The following RBFOX3 variants were observed in gnomAD, a reference collection of about 807,000 sequenced individuals.
RBFOX3 encodes the protein RNA binding protein fox-1 homolog 3.
A neutral mutation model predicts 48.7 loss-of-function variants in RBFOX3; 17 were observed. The ratio of observed to expected loss-of-function variants is 0.35; its 90% confidence interval spans 0.24 to 0.52. The LOEUF (loss-of-function observed/expected upper bound fraction) is 0.52, where lower values mean the gene tolerates loss of function less well. Among genes scored for constraint, RBFOX3 ranks in the 20% least tolerant of loss-of-function variants. The pLI, the probability that RBFOX3 is intolerant of heterozygous loss-of-function variation, is 0.94. For synonymous variants in RBFOX3, 212 were observed against 209.5 expected, an observed-to-expected ratio of 1.01 and a Z score of -0.10; for missense variants, 382 against 497.5, an observed-to-expected ratio of 0.77 and a Z score of 2.21.
chr17:79,543,601 G>A (rs1237892438), intron 1 of RBFOX3, among the ~76,000 whole-genome samples: 1 of 152,048 alleles, frequency 6.6e-6, no homozygotes, highest in African/African-American at 2.4e-5. Context: ...CCTTGATCAG[G>A]GCCTCCGAGG....
chr17:79,545,294 A>G lies in RBFOX3; in HGVS notation c.-319-62696T>C, dbSNP rs568469089. Among the ~76,000 whole-genome samples the G allele has an allele frequency of 5.2e-4, 79 of 152,262 alleles. No individual in the cohort carries two copies. The South Asian group carries it at 0.016, about 32-fold the overall frequency. On this transcript the variant is annotated intron_variant, in intron 1 of 14. Transcript: ENST00000693108. ...TCGCCCCTGCTAGAGGAGCACGTCT[A>G]CCAGGAAAGAAGGAAGGGGCCAGCC...
At chr17:79,225,705 G>T (rs957221020) in intron 4 of RBFOX3, among the ~76,000 whole-genome samples, 1 of 152,222 alleles carries the variant, frequency 6.6e-6, no homozygotes, top group Non-Finnish European at 1.5e-5. Context: ...GTAGGGGGCT[G>T]CTGGGCAGAG....
At chr17:79,315,337 C>T (rs1311856757) in intron 2 of RBFOX3, among the ~76,000 whole-genome samples, 1 of 152,236 alleles carries the variant, frequency 6.6e-6, no homozygotes, top group Non-Finnish European at 1.5e-5. Flanking sequence ...AGACCCTGGT[C>T]TTCTGAGCAA....
chr17:79,092,257 C>T, intron 14 of RBFOX3: 2 of 985,528 alleles, frequency 2.0e-6, no homozygotes, highest in Non-Finnish European at 2.4e-6. Flanking sequence ...AGGTTGGGGG[C>T]TGCCTGGTCT....
chr17:79,501,843 G>C (rs2082424717), intron 1 of RBFOX3, among the ~76,000 whole-genome samples: 1 of 152,222 alleles, frequency 6.6e-6, no homozygotes, highest in African/African-American at 2.4e-5. Flanking sequence ...CTTATCTCAA[G>C]AGAAAGAGAA....
chr17:79,541,722 G>A (rs903496531), intron 1 of RBFOX3, among the ~76,000 whole-genome samples: 8 of 152,198 alleles, frequency 5.3e-5, no homozygotes, highest in East Asian at 1.9e-4. Context: ...GCAAGAGACC[G>A]CTCACCCCGG....
At chr17:79,567,455 G>A (rs961256545) in intron 1 of RBFOX3, among the ~76,000 whole-genome samples, 22 of 152,212 alleles carry the variant, frequency 1.4e-4, no homozygotes, top group African/African-American at 5.1e-4. Flanking sequence ...GAAGTGCTGG[G>A]ATTACAGGCG....
chr17:79,264,792 G>A (rs1019301071), intron 3 of RBFOX3, among the ~76,000 whole-genome samples: 13 of 152,232 alleles, frequency 8.5e-5, no homozygotes, highest in Non-Finnish European at 1.3e-4. Context: ...GAGGCGGTGT[G>A]CCCCACGAAC....
intron 3 of RBFOX3, among the ~76,000 whole-genome samples, chr17:79,239,247 G>C (rs1197754443): frequency 2.0e-5 from 3 of 152,104 alleles, no homozygotes; most frequent in Non-Finnish European, 2.9e-5. Flanking sequence ...AAGGAGAGAG[G>C]CCCCCCAGGT....
chr17:79,649,762 G>T, the RBFOX3 span, among the ~76,000 whole-genome samples: 1 of 152,146 alleles, frequency 6.6e-6, no homozygotes, highest in Admixed American at 6.5e-5. Flanking sequence ...ATTGGCTCAA[G>T]GTTCTGCAGG....
At position 79,443,353 on chromosome 17, in the gene RBFOX3, C is replaced by T. The variant is rs1009444748; in HGVS notation, c.-175+39101G>A. On this transcript the variant is annotated intron_variant, in intron 2 of 14. Transcript: ENST00000693108. This position sits in a 1 kb window ranked among gnomAD's most constrained non-coding sequence, Gnocchi z 4.4. Reference sequence around the variant, plus strand: ...ACATAAATGCAGTCATGCTTAGACACACACAAATGCACACTCACATACACC... The same window carrying T: ...ACATAAATGCAGTCATGCTTAGACATACACAAATGCACACTCACATACACC... Among the ~76,000 whole-genome samples, 3 of 152,210 alleles carry T rather than the reference C, an allele frequency of 2.0e-5. No homozygotes were observed. The East Asian group carries it at 5.8e-4, about 29-fold the overall frequency.
chr17:79,223,337 G>GCA (rs1419852832), intron 4 of RBFOX3, among the ~76,000 whole-genome samples: 3 of 152,066 alleles, frequency 2.0e-5, no homozygotes, highest in East Asian at 1.9e-4. Context: ...ATGTGTATCT[G>GCA]CACACACACA....
the RBFOX3 span, among the ~76,000 whole-genome samples, chr17:79,653,064 T>C: frequency 6.6e-6 from 1 of 152,260 alleles, no homozygotes; most frequent in South Asian, 2.1e-4. Context: ...GTAAAAATAA[T>C]TTCAAACCCA....
the RBFOX3 span, among the ~76,000 whole-genome samples, chr17:79,656,066 T>C: frequency 6.6e-6 from 1 of 152,172 alleles, no homozygotes; most frequent in South Asian, 2.1e-4. Context: ...TCCCCCGCAC[T>C]CTTGCTTCTG....
chr17:79,154,189 C>A (rs189972165), intron 4 of RBFOX3, among the ~76,000 whole-genome samples: 2 of 140,158 alleles, frequency 1.4e-5, no homozygotes, highest in Admixed American at 1.5e-4. Flanking sequence ...GTTCTTCGAA[C>A]ACGCTAAGCT....
chr17:79,321,913 C>G (rs12942895), intron 2 of RBFOX3, among the ~76,000 whole-genome samples: 31,928 of 152,024 alleles, frequency 0.21, 3,992 homozygotes, highest in East Asian at 0.35. Flanking sequence ...ACCATGTTGG[C>G]CAGACTGGTC....
At chr17:79,628,536 C>T in the RBFOX3 span, among the ~76,000 whole-genome samples, 1 of 152,162 alleles carries the variant, frequency 6.6e-6, no homozygotes, top group East Asian at 1.9e-4. Context: ...GCCCTGAACT[C>T]CATTCCTTTT....
At chr17:79,513,054 G>A (rs1308495993) in intron 1 of RBFOX3, among the ~76,000 whole-genome samples, 12 of 150,506 alleles carry the variant, frequency 8.0e-5, no homozygotes, top group African/African-American at 3.0e-4. Context: ...ACGGCCCCAT[G>A]GCCAGGGGAC....
chr17:79,494,273 A>T (rs2051755201), intron 1 of RBFOX3, among the ~76,000 whole-genome samples: 1 of 152,156 alleles, frequency 6.6e-6, no homozygotes, highest in Non-Finnish European at 1.5e-5. Flanking sequence ...TTGGTGGGGA[A>T]GCTGGCAGCC....
Sources: gnomAD v4.1 joint callset for allele counts (sites outside exome capture counted in the v4.1 genomes callset) on GRCh38, gnomAD v4.1.1 for gene constraint, Gnocchi (gnomAD v3.1) non-coding constraint, MANE v1.5 for transcripts, NCBI Gene and HGNC (gene_info 2026-07-23, HGNC 2026-07-21) for gene names.